Variants in DLGAP1 observed in about 807,000 individuals in gnomAD.
The protein encoded by DLGAP1 is disks large-associated protein 1.
Under a neutral mutation model 90.8 loss-of-function variants are expected in DLGAP1, and 11 were observed. That is an observed-to-expected ratio of 0.12 (90% CI 0.08 to 0.20). DLGAP1 has a LOEUF of 0.20. DLGAP1 is among the 10% of genes least tolerant of loss of function. The pLI is 1.00. For synonymous variants in DLGAP1, 558 were observed against 540.7 expected, an observed-to-expected ratio of 1.03 and a Z score of -0.44; for missense variants, 1,050 against 1,333.8, an observed-to-expected ratio of 0.79 and a Z score of 3.31.
chr18:4,204,855 A>T (rs1275207866), intron 1 of DLGAP1, among the ~76,000 whole-genome samples: 1 of 149,444 alleles, frequency 6.7e-6, no homozygotes, highest in East Asian at 2.0e-4. Flanking sequence ...CAGTGGTGGT[A>T]ACTGAGGTGA....
intron 5 of DLGAP1, among the ~76,000 whole-genome samples, chr18:3,809,902 A>G (rs2066749370): frequency 6.6e-6 from 1 of 152,220 alleles, no homozygotes; most frequent in African/African-American, 2.4e-5. Context: ...CACTCCAAGT[A>G]AGAGACTTAA....
chr18:3,939,749 A>G (rs2072729676), intron 3 of DLGAP1, among the ~76,000 whole-genome samples: 1 of 152,162 alleles, frequency 6.6e-6, no homozygotes, highest in Non-Finnish European at 1.5e-5. Context: ...AGGAATAATA[A>G]TAAAAAATAT....
chr18:3,730,727 A>G lies in DLGAP1; in HGVS notation c.1351-1352T>C, dbSNP rs549098754. On this transcript the variant is annotated intron_variant, in intron 6 of 12. Transcript: ENST00000315677. ...TGACTAATTTCTTTAAACTTCAGATAAAAGTGACCAATTACCTTAAGGCAT... is the reference window on the plus strand; with the variant it reads ...TGACTAATTTCTTTAAACTTCAGATGAAAGTGACCAATTACCTTAAGGCAT... Among the ~76,000 whole-genome samples, 16 of 152,356 alleles carry G rather than the reference A, an allele frequency of 1.1e-4. No homozygotes were observed. The East Asian group carries it at 2.9e-3, about 27-fold the overall frequency.
At chr18:4,372,314 C>T (rs928360689) in intron 1 of DLGAP1, among the ~76,000 whole-genome samples, 6 of 152,216 alleles carry the variant, frequency 3.9e-5, no homozygotes, top group Non-Finnish European at 7.3e-5. Context: ...CAAGCCTTTA[C>T]CTTGTGTTTA....
chr18:3,953,632 C>T (rs768299831), intron 3 of DLGAP1, among the ~76,000 whole-genome samples: 30 of 152,038 alleles, frequency 2.0e-4, no homozygotes, highest in Non-Finnish European at 3.5e-4. Flanking sequence ...TTGTGATTAG[C>T]GCTGAGATAA....
At chr18:3,962,843 T>G (rs145573381) in intron 3 of DLGAP1, among the ~76,000 whole-genome samples, 2 of 152,340 alleles carry the variant, frequency 1.3e-5, no homozygotes, top group Non-Finnish European at 2.9e-5. Flanking sequence ...TCTTTGGTTA[T>G]TATGCTTATC....
intron 5 of DLGAP1, among the ~76,000 whole-genome samples, chr18:3,791,924 T>G (rs572544637): frequency 1.3e-5 from 2 of 152,048 alleles, no homozygotes; most frequent in African/African-American, 4.8e-5. Flanking sequence ...AAAAATAAAA[T>G]TAAAAAAAGG....
intron 12 of DLGAP1, among the ~76,000 whole-genome samples, chr18:3,501,828 G>A (rs530062338): frequency 1.9e-4 from 29 of 151,612 alleles, no homozygotes; most frequent in Non-Finnish European, 3.7e-4. Flanking sequence ...ATAATCAAAT[G>A]TGAAAATTAG....
At chr18:3,672,201 GACACACAC>G (rs3223621) in intron 7 of DLGAP1, among the ~76,000 whole-genome samples, 13,114 of 143,530 alleles carry the variant, frequency 0.091, 1,038 homozygotes, top group African/African-American at 0.21. Flanking sequence ...CTGCTGATTA[GACACACAC>G]ACACACACAC....
intron 9 of DLGAP1, among the ~76,000 whole-genome samples, chr18:3,549,156 T>C (rs1321116613): frequency 6.6e-6 from 1 of 152,160 alleles, no homozygotes; most frequent in East Asian, 1.9e-4. Context: ...TTATGAAAAA[T>C]AGAAATGCCT....
intron 4 of DLGAP1, among the ~76,000 whole-genome samples, chr18:3,817,370 A>G (rs1467675766): frequency 6.6e-6 from 1 of 152,208 alleles, no homozygotes; most frequent in Non-Finnish European, 1.5e-5. Context: ...TAACCTGTGT[A>G]TCTTTCAATT....
chr18:3,784,827 A>C (rs994456909), intron 5 of DLGAP1, among the ~76,000 whole-genome samples: 5 of 152,202 alleles, frequency 3.3e-5, no homozygotes, highest in Non-Finnish European at 7.4e-5. Flanking sequence ...AAACCTGTAA[A>C]CATGCAGGTG....
At chr18:3,833,160 T>G (rs1454787970) in intron 4 of DLGAP1, among the ~76,000 whole-genome samples, 2 of 2,030 alleles carry the variant, frequency 9.9e-4, no homozygotes, top group African/African-American at 4.1e-3. Context: ...CTTCCTTCCT[T>G]CCTTCCTTCC....
chr18:3,868,601 C>T (rs539587953), intron 4 of DLGAP1, among the ~76,000 whole-genome samples: 10 of 152,162 alleles, frequency 6.6e-5, no homozygotes, highest in African/African-American at 2.4e-4. Flanking sequence ...AAATGGCAAG[C>T]CTATTTGGTC....
intron 5 of DLGAP1, among the ~76,000 whole-genome samples, chr18:3,767,169 T>C (rs371082305): frequency 2.0e-5 from 3 of 152,202 alleles, no homozygotes; most frequent in African/African-American, 7.2e-5. Context: ...AAGGAACCAA[T>C]TGCTTGAAAA....
rs371787152 is a variant in DLGAP1 at position 4,296,998 on chromosome 18, G to A, written c.-266-145711C>T. Among the ~76,000 whole-genome samples, 3 of 152,222 alleles carry A rather than the reference G, an allele frequency of 2.0e-5. No individual in the cohort carries two copies. The East Asian group carries it at 5.8e-4, about 29-fold the overall frequency. On this transcript the variant is annotated intron_variant, in intron 1 of 12. Coordinates refer to ENST00000315677, the MANE Select transcript of DLGAP1 (RefSeq NM_004746.4). ...CGGGTAATGGCACTTGAACCTGACC[G>A]GTACTTCACCTAAATTAAGAGTGGA... is the stretch of plus-strand genomic sequence containing the variant.
At chr18:4,213,432 G>T (rs1276029139) in intron 1 of DLGAP1, among the ~76,000 whole-genome samples, 1 of 152,122 alleles carries the variant, frequency 6.6e-6, no homozygotes, top group East Asian at 1.9e-4. Context: ...GACAGCAAGA[G>T]TATAAAACCC....
chr18:3,632,602 C>T (rs1261759336), intron 7 of DLGAP1, among the ~76,000 whole-genome samples: 3 of 152,196 alleles, frequency 2.0e-5, no homozygotes, highest in Admixed American at 1.3e-4. Context: ...CATGCCCATC[C>T]TAATTCTTAT....
intron 1 of DLGAP1, among the ~76,000 whole-genome samples, chr18:4,337,193 C>CTTTTT (rs201042095): frequency 1.1e-5 from 1 of 91,076 alleles, no homozygotes; most frequent in Non-Finnish European, 2.2e-5. Context: ...CAATAGTTGG[C>CTTTTT]TTTTTTTTTT....
Sources: gnomAD v4.1 joint callset for allele counts (sites outside exome capture counted in the v4.1 genomes callset) on GRCh38, gnomAD v4.1.1 for gene constraint, MANE v1.5 for transcripts, NCBI Gene and HGNC (gene_info 2026-07-23, HGNC 2026-07-21) for gene names.